RNASEK: variants seen among roughly 807,000 people sequenced by gnomAD.
RNASEK encodes ribonuclease K, also known as ribonuclease kappa.
Under a neutral mutation model 11.2 loss-of-function variants are expected in RNASEK, and 7 were observed. The ratio of observed to expected loss-of-function variants is 0.62; its 90% CI spans 0.35 to 1.17. The LOEUF is 1.17. RNASEK is among the 50% of genes most tolerant of loss of function. The probability of loss-of-function intolerance (pLI) is 0.02; values close to 1 mark genes in which losing one functional copy is unlikely to be tolerated. For synonymous variants in RNASEK, 46 were observed against 49.5 expected (o/e 0.93, Z 0.30); for missense variants, 101 against 126.7 (o/e 0.80, Z 0.97).
At chr17:7,013,036 A>G (rs958925800) in intron 1 of RNASEK, 11 of 478,756 alleles carry the variant, frequency 2.3e-5, no homozygotes, top group Non-Finnish European at 3.7e-5. Context: ...GAGGCAGGAG[A>G]ATCGCTTGAA....
Position 7,013,800 on chromosome 17 carries a change from G to A in RNASEK, c.155+58G>A, listed in dbSNP as rs889666895. 3.0e-6 allele frequency: 4 copies of A among 1,345,558 alleles called. No individual in the cohort carries two copies. In the African/African-American group the frequency reaches 4.3e-5, roughly 15 times the overall value. 83.4% of individuals were successfully genotyped at this position (1,345,558 alleles called of 1,614,324 possible). A position where few individuals can be genotyped will look rare whatever the true frequency, so the allele number is the denominator to read the frequency against. ...GCAGGTGGGAGGTGGCGAGGCCTAG[G>A]GTCAGAATTACGTCTGGGAGGCCCG... is the stretch of plus-strand genomic sequence containing the variant. On this transcript the variant is annotated intron_variant, in intron 2 of 2. Coordinates refer to ENST00000593646, the MANE Select transcript of RNASEK (RefSeq NM_001004333.5).
rs562870229 is a variant in RNASEK, at chr17:7,013,869, C to A, written c.155+127C>A. On this transcript the variant is annotated intron_variant, in intron 2 of 2. Transcript: ENST00000593646. ...TTAGAGGACTTGGAGAGGAGAGCGG[C>A]TTTCTTGAGAATGTGGTTAGGAGCC... is the stretch of plus-strand genomic sequence containing the variant. 4.7e-6 allele frequency: 4 copies of A among 845,972 alleles called. No individual in the cohort carries two copies. The South Asian group carries it at 5.8e-5, about 12-fold the overall frequency. The allele number at this position is 845,972 out of a possible 1,614,324, so 52.4% of individuals were successfully genotyped here.
chr17:7,012,816 A>T, intron 1 of RNASEK, 55 bp downstream of exon 1: 1 of 1,505,308 alleles, frequency 6.6e-7, no homozygotes, highest in Non-Finnish European at 9.1e-7. Flanking sequence ...CCGGGCTGGG[A>T]GGGCTGGGAG....
chr17:7,014,168 A>C lies in RNASEK; in HGVS notation c.179A>C (p.Asn60Thr), dbSNP rs1258412402. The C allele has an allele frequency of 1.9e-6, 3 of 1,565,278 alleles. No homozygotes were observed. The South Asian group carries it at 3.5e-5, about 18-fold the overall frequency. ...AGGAATGGCCCCCAGAACATATACA[A>C]CCTTTACGAGCAAGTCAGCTACAAC... ...DFENGPQNIY[N>T]LYEQVSYNCF... The change falls in exon 3 of 3, where the codon AAC becomes ACC. Residue 60 changes from asparagine (N) to threonine (T), a missense_variant. Transcript: ENST00000593646. The surrounding 1 kb of genome is among the most constrained non-coding windows in gnomAD (Gnocchi z 4.5).
In RNASEK at chr17:7,013,656, C is replaced by G. The variant is rs771974296; in HGVS notation, c.79-10C>G. 2.5e-6 allele frequency: 4 copies of G among 1,612,434 alleles called. No homozygotes were observed. Among genetic ancestry groups the G allele is most frequent in the Non-Finnish European group, 3.4e-6 (4 of 1,178,438 alleles). On this transcript the variant is annotated splice_polypyrimidine_tract_variant and intron_variant, in intron 1 of 2. Coordinates refer to ENST00000593646, the MANE Select transcript of RNASEK (RefSeq NM_001004333.5). ...CTGAATTCAACAGTCTACCCATTCC[C>G]CTTTTCCAGATAATGCTCGGAATAT...
rs1909630502 is a variant in RNASEK, at chr17:7,014,039, T to C, written c.156-106T>C. 23 of 1,066,148 alleles carry C rather than the reference T, an allele frequency of 2.2e-5. No homozygotes were observed. The highest frequency in any genetic ancestry group is 3.2e-5 in the Non-Finnish European group (23 of 719,942). The allele number at this position is 1,066,148 out of a possible 1,614,324, so 66.0% of individuals were successfully genotyped here. ...CCATAGGATGGTCAAGAAGATTGAA[T>C]AAAGTAATACACGTAACAGCGCCTA... On this transcript the variant is annotated intron_variant, in intron 2 of 2. Transcript: ENST00000593646. The surrounding 1 kb of genome is among the most constrained non-coding windows in gnomAD (Gnocchi z 4.5).
Position 7,012,645 on chromosome 17 carries a change from A to T in RNASEK, c.-39A>T, listed in dbSNP as rs771380776. 2 of 1,609,626 alleles carry T rather than the reference A, an allele frequency of 1.2e-6. No homozygotes were observed. ...CTGGGCTTTCTCCCACCGCTTTCCG[A>T]GCCCGCTTGCACCTCGGCGATCCCC... On this transcript the variant is annotated 5_prime_UTR_variant, in exon 1 of 3. Transcript: ENST00000593646.
At chr17:7,013,792 A>G (rs1909607381) in intron 2 of RNASEK, 50 bp downstream of exon 2, 1 of 1,382,896 alleles carries the variant, frequency 7.2e-7, no homozygotes, top group Admixed American at 1.7e-5. Context: ...GGAGGTGGCG[A>G]GGCCTAGGGT....
rs757075567 is a variant in RNASEK at position 7,014,441 on chromosome 17, C to T, written c.*155C>T. ...CCCTTCTCCCATCTCTGGCATCCGGCCCCCGTGGAGAGGGCTGAGGCTGGG... is the reference window on the plus strand; with the variant it reads ...CCCTTCTCCCATCTCTGGCATCCGGTCCCCGTGGAGAGGGCTGAGGCTGGG... On this transcript the variant is annotated 3_prime_UTR_variant, in exon 3 of 3. Coordinates refer to ENST00000593646, the MANE Select transcript of RNASEK (RefSeq NM_001004333.5). This position sits in a 1 kb window ranked among gnomAD's most constrained non-coding sequence, Gnocchi z 4.5. The T allele has an allele frequency of 1.3e-6, 1 of 783,636 alleles. No homozygotes were observed. The highest frequency in any genetic ancestry group is 2.0e-6 in the Non-Finnish European group (1 of 496,150). 48.5% of individuals were successfully genotyped at this position (783,636 alleles called of 1,614,324 possible).
At position 7,014,109 on chromosome 17, in the gene RNASEK, T is replaced by TA. The variant is rs1472272789; in HGVS notation, c.156-33dup. The stretch of plus-strand genomic sequence containing the variant: ...GTGCTCAGAAAATGTTGGCTCCTAT[T>TA]AAAGTTTGACCCCTTTGCTTCATTC... On this transcript the variant is annotated intron_variant, in intron 2 of 2. Transcript: ENST00000593646. This position sits in a 1 kb window ranked among gnomAD's most constrained non-coding sequence, Gnocchi z 4.5. The TA allele has an allele frequency of 1.3e-6, 2 of 1,549,240 alleles. No individual in the cohort carries two copies. The highest frequency in any genetic ancestry group is 1.4e-5 in the African/African-American group (1 of 73,066).
rs200811226 is a variant in RNASEK, at chr17:7,014,276, T to C, written c.287T>C (p.Met96Thr). The C allele has an allele frequency of 2.0e-4, 325 of 1,613,732 alleles. 1 individual carries two copies. The highest frequency in any genetic ancestry group is 1.8e-4 in the Non-Finnish European group (208 of 1,179,842). Residue 96 changes from methionine to threonine, a missense_variant, in exon 3 of 3, where the codon ATG becomes ACG. Transcript: ENST00000593646. This position sits in a 1 kb window ranked among gnomAD's most constrained non-coding sequence, Gnocchi z 4.5. ...QVRLNKRKEY[M>T]VR ...CGGCTCAATAAGCGCAAGGAATACA[T>C]GGTGCGCTAGGGCCCCGGCGCGTTT...
intron 1 of RNASEK, 37 bp from the exon 2 acceptor site, chr17:7,013,629 G>T (rs1352416049): frequency 6.3e-7 from 1 of 1,598,098 alleles, no homozygotes; most frequent in African/African-American, 1.3e-5. Flanking sequence ...GAGGTCAGGT[G>T]CCTGAATTCA....
In RNASEK at chr17:7,012,656, ACCTCGGCGAT is replaced by A; in HGVS notation, c.-25_-16del. On this transcript the variant is annotated 5_prime_UTR_variant, in exon 1 of 3. Transcript: ENST00000593646. ...CCCACCGCTTTCCGAGCCCGCTTGC[ACCTCGGCGAT>A]CCCCGACTCCCTTCTTTATGGCGTC... 2 of 1,611,232 alleles carry A rather than the reference ACCTCGGCGAT, an allele frequency of 1.2e-6. No individual in the cohort carries two copies. The highest frequency in any genetic ancestry group is 1.7e-6 in the Non-Finnish European group (2 of 1,179,720).
In RNASEK at chr17:7,013,674, C is replaced by T. The variant is rs1250801580; in HGVS notation, c.87C>T (p.Leu29=). 2 of 1,613,340 alleles carry T rather than the reference C, an allele frequency of 1.2e-6. No individual in the cohort carries two copies. Among genetic ancestry groups the T allele is most frequent in the African/African-American group, 1.3e-5 (1 of 74,992 alleles). Residue 29 remains leucine (L), a synonymous_variant, in exon 2 of 3, where the codon CTC becomes CTT. Coordinates refer to ENST00000593646, the MANE Select transcript of RNASEK (RefSeq NM_001004333.5). The stretch of plus-strand genomic sequence containing the variant: ...CCATTCCCCTTTTCCAGATAATGCT[C>T]GGAATATTTTTCAATGTCCATTCCG... ...SAWGVIMLIM[L]GIFFNVHSAV...
rs749984025 is a variant in RNASEK, at chr17:7,014,446, G to A, written c.*160G>A. On this transcript the variant is annotated 3_prime_UTR_variant, in exon 3 of 3. Coordinates refer to ENST00000593646, the MANE Select transcript of RNASEK (RefSeq NM_001004333.5). This position sits in a 1 kb window ranked among gnomAD's most constrained non-coding sequence, Gnocchi z 4.5. ...CTCCCATCTCTGGCATCCGGCCCCCGTGGAGAGGGCTGAGGCTGGGGGGCT... is the reference window on the plus strand; with the variant it reads ...CTCCCATCTCTGGCATCCGGCCCCCATGGAGAGGGCTGAGGCTGGGGGGCT... The A allele has an allele frequency of 2.7e-6, 2 of 742,930 alleles. No individual in the cohort carries two copies. Among genetic ancestry groups the A allele is most frequent in the Admixed American group, 5.4e-5 (2 of 36,812 alleles). 46.0% of individuals were successfully genotyped at this position (742,930 alleles called of 1,614,324 possible). A position where few individuals can be genotyped will look rare whatever the true frequency, so the allele number is the denominator to read the frequency against.
intron 1 of RNASEK, 89 bp downstream of exon 1, chr17:7,012,850 C>A: frequency 1.6e-6 from 2 of 1,251,442 alleles, no homozygotes; most frequent in East Asian, 2.5e-5. Context: ...GGGCCGCAGG[C>A]AGGCCGGAGG....
intron 1 of RNASEK, 133 bp from the exon 2 acceptor site, chr17:7,013,533 C>G (rs1311328250): frequency 6.2e-7 from 1 of 1,603,418 alleles, no homozygotes. Context: ...GAGTCCGAAT[C>G]CAGTAACCAC....
rs751538929 is a variant in RNASEK, at chr17:7,014,199, C to A, written c.210C>A (p.Phe70Leu). ...NLYEQVSYNCFIAAGLYLLLG... is the reference protein window; with the variant it reads ...NLYEQVSYNCLIAAGLYLLLG... ...ACGAGCAAGTCAGCTACAACTGTTT[C>A]ATCGCTGCAGGCCTTTACCTCCTCC... The change falls in exon 3 of 3, where the codon TTC becomes TTA. Residue 70 changes from phenylalanine (F) to leucine (L), a missense_variant. Phe to Leu is a conservative substitution (Grantham distance 22). Coordinates refer to ENST00000593646, the MANE Select transcript of RNASEK (RefSeq NM_001004333.5). The surrounding 1 kb of genome is among the most constrained non-coding windows in gnomAD (Gnocchi z 4.5). 2 of 1,598,904 alleles carry A rather than the reference C, an allele frequency of 1.3e-6. No individual in the cohort carries two copies.
chr17:7,013,111 C>T, intron 1 of RNASEK: 1 of 448,288 alleles, frequency 2.2e-6, no homozygotes, highest in Non-Finnish European at 4.0e-6. Flanking sequence ...GGTGACAGAG[C>T]GAGACTCCGT....
Sources: gnomAD v4.1 joint callset for allele counts on GRCh38, gnomAD v4.1.1 for gene constraint, Gnocchi (gnomAD v3.1) non-coding constraint, MANE v1.5 for transcripts, NCBI Gene and HGNC (gene_info 2026-07-23, HGNC 2026-07-21) for gene names.